Variants in GABRG3 observed in about 807,000 individuals in gnomAD.
GABRG3 encodes the protein gamma-aminobutyric acid receptor subunit gamma-3.
In GABRG3, 25 loss-of-function variants were observed where a neutral mutation model predicts 48.8. The observed-to-expected ratio is 0.51, with a 90% CI of 0.37 to 0.72. The LOEUF is 0.72. Ranked by LOEUF, GABRG3 falls within the 30% of genes least tolerant of loss-of-function variation. The pLI is 0.00. For missense variants in GABRG3, 394 were observed against 577.9 expected (o/e 0.68, Z 3.26); for synonymous variants, 227 against 217.6 (o/e 1.04, Z -0.38).
At chr15:27,423,914 T>C (rs1174487599) in intron 5 of GABRG3, among the ~76,000 whole-genome samples, 1 of 151,990 alleles carries the variant, frequency 6.6e-6, no homozygotes. Context: ...AGCTAGCATA[T>C]GCAGTTAAGT....
intron 3 of GABRG3, among the ~76,000 whole-genome samples, chr15:27,277,738 A>G (rs185299800): frequency 2.6e-5 from 4 of 152,338 alleles, no homozygotes; most frequent in Middle Eastern, 6.8e-3. Context: ...TAACTACTGT[A>G]ATTCTGAATA....
chr15:27,041,285 C>T (rs1896272428), intron 3 of GABRG3, among the ~76,000 whole-genome samples: 3 of 152,252 alleles, frequency 2.0e-5, no homozygotes, highest in African/African-American at 4.8e-5. Context: ...CAGACTCAAG[C>T]GATCTTCTTA....
intron 5 of GABRG3, among the ~76,000 whole-genome samples, chr15:27,472,137 C>T (rs1027069688): frequency 6.6e-6 from 1 of 152,016 alleles, no homozygotes; most frequent in Non-Finnish European, 1.5e-5. Context: ...TAATAACTTA[C>T]GAACTTCCTC....
intron 5 of GABRG3, among the ~76,000 whole-genome samples, 164 bp downstream of exon 5, chr15:27,329,052 C>T (rs1280323652): frequency 6.6e-6 from 1 of 152,110 alleles, no homozygotes; most frequent in Non-Finnish European, 1.5e-5. Flanking sequence ...CACTCTAGAC[C>T]TTGTCACATA....
At chr15:27,315,412 A>G (rs1243251938) in intron 3 of GABRG3, among the ~76,000 whole-genome samples, 1 of 152,230 alleles carries the variant, frequency 6.6e-6, no homozygotes, top group Non-Finnish European at 1.5e-5. Context: ...CAAATCTGGA[A>G]GACTCATTGC....
chr15:27,089,343 G>A (rs1036609932), intron 3 of GABRG3, among the ~76,000 whole-genome samples: 3 of 152,126 alleles, frequency 2.0e-5, no homozygotes, highest in African/African-American at 7.2e-5. Context: ...AGTCCCCATG[G>A]TATAGACACT....
rs1309590651 is a variant in GABRG3, at chr15:27,243,111, A to G, written c.271-83698A>G. On this transcript the variant is annotated intron_variant, in intron 3 of 9. Transcript: ENST00000615808. Reference sequence around the variant, plus strand: ...GAGTTACAGACTTCAGTAGCCAATCAGGTCAACTTCACAAATATCTTCTGC... The same window carrying G: ...GAGTTACAGACTTCAGTAGCCAATCGGGTCAACTTCACAAATATCTTCTGC... Among the ~76,000 whole-genome samples, 3 of 152,328 alleles carry G rather than the reference A, an allele frequency of 2.0e-5. No individual in the cohort carries two copies. The East Asian group carries it at 5.8e-4, about 29-fold the overall frequency.
chr15:27,505,754 T>G (rs1295139915), intron 6 of GABRG3, among the ~76,000 whole-genome samples: 7 of 152,164 alleles, frequency 4.6e-5, no homozygotes, highest in Admixed American at 4.6e-4. Flanking sequence ...GTGTCTGGTT[T>G]TGCTATTAAG....
intron 3 of GABRG3, among the ~76,000 whole-genome samples, chr15:27,189,545 AT>A (rs1450715401): frequency 5.1e-4 from 78 of 151,962 alleles, no homozygotes; most frequent in African/African-American, 1.8e-3. Context: ...TTATTGGTGT[AT>A]AAGAATGCTT....
rs551872112 is a variant in GABRG3 at position 27,457,267 on chromosome 15, A to T, written c.575-23383A>T. ...GCCGGCGGGGTGGTGGAGAGAAAGG[A>T]GGCATTTCCTTTCTACTTGCATCTC... is the stretch of plus-strand genomic sequence containing the variant. On this transcript the variant is annotated intron_variant, in intron 5 of 9. Transcript: ENST00000615808. The surrounding 1 kb of genome is among the most constrained non-coding windows in gnomAD (Gnocchi z 4.4). Among the ~76,000 whole-genome samples, 3 of 152,260 alleles carry T rather than the reference A, an allele frequency of 2.0e-5. No homozygotes were observed. In the East Asian group the frequency reaches 5.8e-4, roughly 29 times the overall value.
rs534460581 is a variant in GABRG3 at position 26,975,792 on chromosome 15, A to G, written c.54-1210A>G. 3.3e-5 allele frequency among the ~76,000 whole-genome samples: 5 copies of G among 152,358 alleles called. No individual in the cohort carries two copies. In the East Asian group the frequency reaches 9.6e-4, roughly 29 times the overall value. On this transcript the variant is annotated intron_variant, in intron 1 of 9. Transcript: ENST00000615808. The surrounding 1 kb of genome is among the most constrained non-coding windows in gnomAD (Gnocchi z 4.6). The stretch of plus-strand genomic sequence containing the variant: ...CTGGCTCCCATCTGGGAAGCTAAAC[A>G]GAAAAGAGTTCATATACAGTCAGGA...
chr15:27,484,526 C>T (rs375069783), intron 6 of GABRG3, among the ~76,000 whole-genome samples: 14 of 152,298 alleles, frequency 9.2e-5, no homozygotes, highest in African/African-American at 3.4e-4. Context: ...ATTTCCTGCT[C>T]TGTCAGCTGA....
intron 3 of GABRG3, among the ~76,000 whole-genome samples, chr15:27,030,687 A>G (rs1015821925): frequency 4.6e-5 from 4 of 87,364 alleles, no homozygotes; most frequent in East Asian, 3.7e-4. Context: ...AAGAAAACCA[A>G]TGTTCTGACA....
At chr15:27,084,926 C>G (rs1482708598) in intron 3 of GABRG3, among the ~76,000 whole-genome samples, 2 of 152,230 alleles carry the variant, frequency 1.3e-5, no homozygotes, top group Non-Finnish European at 2.9e-5. Context: ...TCTTAATTCT[C>G]TGTGTGAGCA....
chr15:27,446,161 T>C (rs1239936557), intron 5 of GABRG3, among the ~76,000 whole-genome samples: 1 of 152,220 alleles, frequency 6.6e-6, no homozygotes, highest in Non-Finnish European at 1.5e-5. Context: ...TAGAATAATC[T>C]TGTCCATGTC....
chr15:27,316,578 G>T (rs1454938979), intron 3 of GABRG3, among the ~76,000 whole-genome samples: 1 of 152,122 alleles, frequency 6.6e-6, no homozygotes, highest in African/African-American at 2.4e-5. Flanking sequence ...AATGTCAACT[G>T]CTCATGATTT....
intron 3 of GABRG3, among the ~76,000 whole-genome samples, chr15:27,251,439 A>G (rs1890453002): frequency 6.6e-6 from 1 of 152,294 alleles, no homozygotes; most frequent in Non-Finnish European, 1.5e-5. Flanking sequence ...TGGACAGTGT[A>G]GAATACATGG....
At position 27,056,614 on chromosome 15, in the gene GABRG3, C is replaced by T. The variant is rs193204724; in HGVS notation, c.270+29793C>T. 5.3e-5 allele frequency among the ~76,000 whole-genome samples: 8 copies of T among 152,058 alleles called. No individual in the cohort carries two copies. The East Asian group carries it at 5.8e-4, about 11-fold the overall frequency. On this transcript the variant is annotated intron_variant, in intron 3 of 9. Coordinates refer to ENST00000615808, the MANE Select transcript of GABRG3 (RefSeq NM_033223.5). ...GTGGAGAGCGTTTGTGAGAAGCCTC[C>T]GCCGGAAGGAGCTCAGATCCTGCTG...
intron 3 of GABRG3, among the ~76,000 whole-genome samples, chr15:27,073,311 G>T (rs189547368): frequency 1.3e-5 from 2 of 152,358 alleles, no homozygotes; most frequent in East Asian, 3.9e-4. Flanking sequence ...CTTCTGCAAG[G>T]TCTTTCTTGT....
Sources: allele counts gnomAD v4.1 joint callset (sites outside exome capture counted in the v4.1 genomes callset), GRCh38; gene constraint gnomAD v4.1.1; non-coding constraint Gnocchi (gnomAD v3.1); transcripts MANE v1.5; gene names NCBI Gene and HGNC (gene_info 2026-07-23, HGNC 2026-07-21).